ZMAT4: variants seen among roughly 807,000 people sequenced by gnomAD.
ZMAT4 encodes the protein zinc finger matrin-type protein 4.
In ZMAT4, 17 loss-of-function variants were observed where a neutral mutation model predicts 28.7. That is an observed-to-expected ratio of 0.59 (90% CI 0.41 to 0.89). The LOEUF is 0.89. Ranked by LOEUF, ZMAT4 falls within the 40% of genes least tolerant of loss-of-function variation. The probability of loss-of-function intolerance (pLI) is 0.00; values close to 1 mark genes in which losing one functional copy is unlikely to be tolerated. For synonymous variants in ZMAT4, 117 were observed against 109.2 expected, an observed-to-expected ratio of 1.07 and a Z score of -0.44; for missense variants, 240 against 283.8, an observed-to-expected ratio of 0.85 and a Z score of 1.11.
chr8:40,864,217 G>A (rs980003584), intron 1 of ZMAT4, among the ~76,000 whole-genome samples: 2 of 152,230 alleles, frequency 1.3e-5, no homozygotes, highest in African/African-American at 2.4e-5. Flanking sequence ...ATCTGCCTGA[G>A]CCACGAAAAT....
At chr8:40,618,705 C>T (rs1217444005) in intron 5 of ZMAT4, among the ~76,000 whole-genome samples, 1 of 150,458 alleles carries the variant, frequency 6.6e-6, no homozygotes, top group African/African-American at 2.4e-5. Flanking sequence ...CAGATCCATA[C>T]AGAAGATGGA....
chr8:40,836,368 C>T (rs550047695), intron 1 of ZMAT4, among the ~76,000 whole-genome samples: 2 of 152,270 alleles, frequency 1.3e-5, no homozygotes, highest in African/African-American at 4.8e-5. Context: ...TAAGCATCAT[C>T]TCATCAAGCT....
intron 5 of ZMAT4, among the ~76,000 whole-genome samples, chr8:40,641,859 T>G (rs1807045595): frequency 6.6e-6 from 1 of 152,176 alleles, no homozygotes; most frequent in African/African-American, 2.4e-5. Flanking sequence ...TTATTCTTTT[T>G]TTAAATGACT....
intron 1 of ZMAT4, among the ~76,000 whole-genome samples, chr8:40,855,707 GCT>G (rs1183412416): frequency 6.7e-6 from 1 of 148,270 alleles, no homozygotes; most frequent in Non-Finnish European, 1.5e-5. Flanking sequence ...AGACAGGGTT[GCT>G]CTGTTACCCA....
chr8:40,814,853 A>G (rs756744472), intron 2 of ZMAT4, among the ~76,000 whole-genome samples: 5 of 152,266 alleles, frequency 3.3e-5, no homozygotes, highest in Non-Finnish European at 7.3e-5. Flanking sequence ...AATGAATAAA[A>G]TGTTAAAATA....
chr8:40,687,123 T>G (rs1809444609), intron 4 of ZMAT4, among the ~76,000 whole-genome samples: 1 of 152,110 alleles, frequency 6.6e-6, no homozygotes, highest in Non-Finnish European at 1.5e-5. Context: ...AAAGTATATA[T>G]AAGAGGCAGA....
At chr8:40,887,339 A>G (rs961918160) in intron 1 of ZMAT4, among the ~76,000 whole-genome samples, 1 of 151,090 alleles carries the variant, frequency 6.6e-6, no homozygotes, top group African/African-American at 2.4e-5. Flanking sequence ...AAATACAAAA[A>G]TTAGCCAGGC....
intron 4 of ZMAT4, among the ~76,000 whole-genome samples, chr8:40,681,461 C>T (rs1481102403): frequency 1.3e-5 from 2 of 152,126 alleles, no homozygotes; most frequent in African/African-American, 4.8e-5. Flanking sequence ...ATGCTACCAA[C>T]AGTAAAGTTA....
chr8:40,683,184 C>T (rs1235980700), intron 4 of ZMAT4, among the ~76,000 whole-genome samples: 1 of 152,192 alleles, frequency 6.6e-6, no homozygotes, highest in Non-Finnish European at 1.5e-5. Flanking sequence ...GAAGAAATCA[C>T]TTCTCTTACA....
Position 40,694,570 on chromosome 8 carries a change from T to A in ZMAT4, c.349+2675A>T, listed in dbSNP as rs141718387. On this transcript the variant is annotated intron_variant, in intron 4 of 6. Coordinates refer to ENST00000297737, the MANE Select transcript of ZMAT4 (RefSeq NM_024645.3). ...TCCCTGGGCCCAGAGCCTCCGATGC[T>A]GGTGCCATCCTCCTATCAGGCCTTC... Among the ~76,000 whole-genome samples the A allele has an allele frequency of 1.7e-3, 266 of 152,272 alleles. 2 individuals are homozygous for A. Among genetic ancestry groups the A allele is most frequent in the African/African-American group, 5.9e-3 (245 of 41,560 alleles).
At chr8:40,540,312 C>T (rs1372080800) in intron 6 of ZMAT4, among the ~76,000 whole-genome samples, 1 of 152,096 alleles carries the variant, frequency 6.6e-6, no homozygotes, top group Non-Finnish European at 1.5e-5. Flanking sequence ...TGAAGGGTCC[C>T]TCCTTCCCTT....
intron 5 of ZMAT4, among the ~76,000 whole-genome samples, chr8:40,607,117 C>CTTTTTTTTTTTTTTT (rs71544299): frequency 1.5e-5 from 1 of 65,724 alleles, no homozygotes; most frequent in African/African-American, 6.5e-5. Context: ...TATCTTGTAT[C>CTTTTTTTTTTTTTTT]TTTTTTTTTT....
At chr8:40,882,490 C>T (rs894274181) in intron 1 of ZMAT4, among the ~76,000 whole-genome samples, 5 of 152,144 alleles carry the variant, frequency 3.3e-5, no homozygotes, top group African/African-American at 9.7e-5. Context: ...TTGTAGCTTT[C>T]TTACTTACCA....
chr8:40,573,544 G>T (rs1404137697), intron 6 of ZMAT4, among the ~76,000 whole-genome samples: 1 of 152,032 alleles, frequency 6.6e-6, no homozygotes, highest in Non-Finnish European at 1.5e-5. Flanking sequence ...ATTTCATCTT[G>T]AGAATCTTAA....
At chr8:40,736,494 A>C (rs896079576) in intron 3 of ZMAT4, among the ~76,000 whole-genome samples, 2 of 152,202 alleles carry the variant, frequency 1.3e-5, no homozygotes, top group Admixed American at 6.5e-5. Context: ...CAGAACACCC[A>C]CTATAAGAAA....
intron 5 of ZMAT4, among the ~76,000 whole-genome samples, chr8:40,596,342 CTTACT>C (rs1243873764): frequency 2.0e-5 from 3 of 152,176 alleles, no homozygotes; most frequent in African/African-American, 4.8e-5. Context: ...TCAACTTCAG[CTTACT>C]TTAATTTTCT....
intron 3 of ZMAT4, among the ~76,000 whole-genome samples, chr8:40,728,449 CCTGAGCATCA>C (rs1811395405): frequency 6.6e-6 from 1 of 152,186 alleles, no homozygotes; most frequent in Non-Finnish European, 1.5e-5. Flanking sequence ...AGTTTCCCAA[CCTGAGCATCA>C]CTGGTATTTC....
chr8:40,625,364 A>G (rs927454845), intron 5 of ZMAT4, among the ~76,000 whole-genome samples: 9 of 152,148 alleles, frequency 5.9e-5, no homozygotes, highest in African/African-American at 1.7e-4. Context: ...GAGGCATGTG[A>G]TCATCTAATT....
At chr8:40,891,615 C>G (rs1291268752) in intron 1 of ZMAT4, among the ~76,000 whole-genome samples, 1 of 152,116 alleles carries the variant, frequency 6.6e-6, no homozygotes, top group African/African-American at 2.4e-5. Context: ...GGGCACCCTG[C>G]CCTGCTGCCT....
Sources: gnomAD v4.1 joint callset for allele counts (sites outside exome capture counted in the v4.1 genomes callset) on GRCh38, gnomAD v4.1.1 for gene constraint, MANE v1.5 for transcripts, NCBI Gene and HGNC (gene_info 2026-07-23, HGNC 2026-07-21) for gene names.